Variants in CDK5RAP2 observed in about 807,000 individuals in gnomAD.
CDK5RAP2 encodes the protein CDK5 regulatory subunit associated protein 2.
A neutral mutation model predicts 232.9 loss-of-function variants in CDK5RAP2; 147 were observed. That is an observed-to-expected ratio of 0.63 (90% confidence interval 0.55 to 0.72). The LOEUF (loss-of-function observed/expected upper bound fraction) is 0.72. Ranked by LOEUF, CDK5RAP2 falls within the 30% of genes least tolerant of loss-of-function variation. The pLI is 0.00. For missense variants in CDK5RAP2, 2,195 were observed against 2,231.5 expected (o/e 0.98, Z 0.33); for synonymous variants, 833 against 833.7 (o/e 1.00, Z 0.01).
chr9:120,443,961 T>G (rs1250910338), intron 22 of CDK5RAP2, among the ~76,000 whole-genome samples: 5 of 152,114 alleles, frequency 3.3e-5, no homozygotes, highest in Non-Finnish European at 7.3e-5. Flanking sequence ...AAGTCCAGGC[T>G]CTCAAAAAGC....
intron 23 of CDK5RAP2, chr9:120,440,379 T>C: frequency 3.7e-6 from 1 of 272,260 alleles, no homozygotes; most frequent in Non-Finnish European, 7.1e-6. Context: ...TTAACCATGA[T>C]TCCCTGCACA....
At chr9:120,406,386 T>G (rs1200640395) in intron 32 of CDK5RAP2, 1 of 152,742 alleles carries the variant, frequency 6.5e-6, no homozygotes, top group African/African-American at 2.4e-5. Flanking sequence ...TGTGCCACTT[T>G]GGGCAAGCCC....
At chr9:120,530,946 T>C (rs534472881) in intron 7 of CDK5RAP2, among the ~76,000 whole-genome samples, 19 of 151,670 alleles carry the variant, frequency 1.3e-4, no homozygotes, top group Middle Eastern at 3.4e-3. Flanking sequence ...ACATGGCACA[T>C]GTATACATAT....
intron 15 of CDK5RAP2, among the ~76,000 whole-genome samples, chr9:120,475,331 T>G (rs182841590): frequency 6.1e-4 from 93 of 152,300 alleles, no homozygotes; most frequent in African/African-American, 1.9e-3. Flanking sequence ...TCCCGGTTAG[T>G]CTTTGTTAGT....
intron 7 of CDK5RAP2, among the ~76,000 whole-genome samples, chr9:120,535,499 C>T (rs1348947315): frequency 6.6e-6 from 1 of 152,244 alleles, no homozygotes; most frequent in African/African-American, 2.4e-5. Flanking sequence ...TCCTCCGAAA[C>T]AGATCATTTG....
Position 120,444,494 on chromosome 9 carries a change from T to C in CDK5RAP2, c.3026-752A>G, listed in dbSNP as rs72755706. 5.4e-3 allele frequency among the ~76,000 whole-genome samples: 824 copies of C among 152,324 alleles called. 7 individuals carry two copies. Among genetic ancestry groups the C allele is most frequent in the Non-Finnish European group, 9.5e-3 (644 of 68,024 alleles). On this transcript the variant is annotated intron_variant, in intron 22 of 37. Transcript: ENST00000349780. The stretch of plus-strand genomic sequence containing the variant: ...CCCCCAGTGCATGAGGCTGGAAACA[T>C]AGCAGGTGCTCAGGGAATGTTCACT...
At position 120,563,130 on chromosome 9, in the gene CDK5RAP2, C is replaced by T. The variant is rs776608033; in HGVS notation, c.195+5191G>A. ...GTTGAGAAGGGAGTTGGGGTAGCCTCTCTAACAAGGCCACATTCAAGTTGA... is the reference window on the plus strand; with the variant it reads ...GTTGAGAAGGGAGTTGGGGTAGCCTTTCTAACAAGGCCACATTCAAGTTGA... On this transcript the variant is annotated intron_variant, in intron 3 of 37. Coordinates refer to ENST00000349780, the MANE Select transcript of CDK5RAP2 (RefSeq NM_018249.6). 8.9e-4 allele frequency among the ~76,000 whole-genome samples: 135 copies of T among 152,210 alleles called. 1 individual carries two copies. Among genetic ancestry groups the T allele is most frequent in the Non-Finnish European group, 7.2e-4 (49 of 68,008 alleles).
intron 23 of CDK5RAP2, 60 bp downstream of exon 23, chr9:120,443,560 C>T: frequency 6.3e-7 from 1 of 1,579,696 alleles, no homozygotes; most frequent in Non-Finnish European, 8.7e-7. Context: ...TTAGATAAAA[C>T]ATCCAAATGG....
At position 120,518,211 on chromosome 9, in the gene CDK5RAP2, G is replaced by GTGTGAGAC. The variant is rs1554770754; in HGVS notation, c.1311+215_1311+216insGTCTCACA. On this transcript the variant is annotated intron_variant, in intron 12 of 37. Transcript: ENST00000349780. ...TGTGTGTGTGTGTGTGTGTGTGTGT[G>GTGTGAGAC]AGAGAGAGAGAGAGAGAGAGAGAGA... is the stretch of plus-strand genomic sequence containing the variant. Among the ~76,000 whole-genome samples, 921 of 31,236 alleles carry GTGTGAGAC rather than the reference G, an allele frequency of 0.029. 3 individuals carry two copies. The highest frequency in any genetic ancestry group is 0.032 in the Non-Finnish European group (438 of 13,904). The allele number at this position is 31,236 out of a possible 152,430, so 20.5% of individuals were successfully genotyped here.
At chr9:120,558,378 A>AAG in intron 3 of CDK5RAP2, among the ~76,000 whole-genome samples, 1 of 143,678 alleles carries the variant, frequency 7.0e-6, no homozygotes, top group Admixed American at 6.8e-5. Flanking sequence ...TCTCAAAAAA[A>AAG]AAAAAAAAAA....
At chr9:120,540,517 T>G (rs980675515) in intron 5 of CDK5RAP2, among the ~76,000 whole-genome samples, 14 of 152,228 alleles carry the variant, frequency 9.2e-5, no homozygotes, top group Non-Finnish European at 1.9e-4. Context: ...AAATAAAGAC[T>G]TTATTAATAT....
chr9:120,536,674 T>C, intron 6 of CDK5RAP2, 148 bp from the exon 7 acceptor site: 9 of 815,728 alleles, frequency 1.1e-5, no homozygotes, highest in Middle Eastern at 2.6e-4. Flanking sequence ...AGAGAATCAG[T>C]AATAAATACA....
intron 5 of CDK5RAP2, among the ~76,000 whole-genome samples, chr9:120,543,171 T>C (rs1377926495): frequency 6.6e-6 from 1 of 152,150 alleles, no homozygotes; most frequent in Non-Finnish European, 1.5e-5. Context: ...GCCTGTTGAT[T>C]CTGCTTCCCA....
At position 120,397,544 on chromosome 9, in the gene CDK5RAP2, TAAA is replaced by T. The variant is rs760469422; in HGVS notation, c.5452-2909_5452-2907del. On this transcript the variant is annotated intron_variant, in intron 35 of 37. Coordinates refer to ENST00000349780, the MANE Select transcript of CDK5RAP2 (RefSeq NM_018249.6). ...ACCATCCCGGCCATAAAAACATTCT[TAAA>T]AAAAAAAAAAAAAAAAAAGAAAAAA... Among the ~76,000 whole-genome samples, 109 of 49,202 alleles carry T rather than the reference TAAA, an allele frequency of 2.2e-3. 1 individual carries two copies. The highest frequency in any genetic ancestry group is 8.2e-3 in the African/African-American group (94 of 11,408). The allele number at this position is 49,202 out of a possible 152,430, so 32.3% of individuals were successfully genotyped here.
intron 11 of CDK5RAP2, among the ~76,000 whole-genome samples, chr9:120,524,567 G>A (rs1256592964): frequency 6.6e-6 from 1 of 152,118 alleles, no homozygotes; most frequent in East Asian, 1.9e-4. Flanking sequence ...GAACCCAGGA[G>A]GCGGAGGTTG....
chr9:120,561,146 G>A (rs2042448998), intron 3 of CDK5RAP2, among the ~76,000 whole-genome samples: 1 of 152,162 alleles, frequency 6.6e-6, no homozygotes, highest in Non-Finnish European at 1.5e-5. Context: ...AATACTGCAT[G>A]TAAGATAATA....
chr9:120,498,301 GC>G (rs755114208), intron 12 of CDK5RAP2, among the ~76,000 whole-genome samples: 1 of 152,068 alleles, frequency 6.6e-6, no homozygotes, highest in Non-Finnish European at 1.5e-5. Context: ...GGACTTCATT[GC>G]CCCCACGACC....
chr9:120,488,010 C>G (rs765218659), intron 13 of CDK5RAP2, among the ~76,000 whole-genome samples: 6 of 152,210 alleles, frequency 3.9e-5, no homozygotes, highest in Non-Finnish European at 7.3e-5. Flanking sequence ...TTCATGATCA[C>G]ACATGATATG....
intron 12 of CDK5RAP2, among the ~76,000 whole-genome samples, chr9:120,510,954 T>G (rs1346898305): frequency 1.3e-5 from 2 of 152,162 alleles, no homozygotes; most frequent in Admixed American, 6.5e-5. Flanking sequence ...ATAAATGTGT[T>G]GAATAAATAA....
Sources: allele counts gnomAD v4.1 joint callset (sites outside exome capture counted in the v4.1 genomes callset), GRCh38; gene constraint gnomAD v4.1.1; transcripts MANE v1.5; gene names NCBI Gene and HGNC (gene_info 2026-07-23, HGNC 2026-07-21).